Variants in RNF38 observed in about 807,000 individuals in gnomAD.
The protein encoded by RNF38 is ring finger protein 38, also known as E3 ubiquitin-protein ligase RNF38.
A neutral mutation model predicts 67.2 loss-of-function variants in RNF38; 15 were observed. That is an observed-to-expected ratio of 0.22 (90% CI 0.15 to 0.34). The LOEUF (loss-of-function observed/expected upper bound fraction) is 0.34, where lower values mean the gene tolerates loss of function less well. Ranked by LOEUF, RNF38 falls within the 10% of genes least tolerant of loss-of-function variation. RNF38 has a pLI of 1.00. For synonymous variants in RNF38, 220 were observed against 218.8 expected (o/e 1.01, Z -0.05); for missense variants, 524 against 639.9 (o/e 0.82, Z 1.95).
chr9:36,387,605 TCA>T (rs1249848839), intron 2 of RNF38, among the ~76,000 whole-genome samples: 1 of 152,204 alleles, frequency 6.6e-6, no homozygotes, highest in Non-Finnish European at 1.5e-5. Context: ...TTTGTCAAAC[TCA>T]CAAACCTATA....
rs1252611739 is a variant in RNF38, at chr9:36,456,974, A to G, written n.241+30334T>C. On this transcript the variant is annotated intron_variant and non_coding_transcript_variant, in intron 1 of 3. Coordinates refer to the RNF38 transcript ENST00000488058. ...GGTCACTGGGTTTTTTTGTAGCAGAAAAGAACTGCTGGTTTCTAGTCCAGC... is the reference window on the plus strand; with the variant it reads ...GGTCACTGGGTTTTTTTGTAGCAGAGAAGAACTGCTGGTTTCTAGTCCAGC... Among the ~76,000 whole-genome samples the G allele has an allele frequency of 3.9e-5, 6 of 152,116 alleles. No homozygotes were observed. In the East Asian group the frequency reaches 1.2e-3, roughly 29 times the overall value.
rs138089661 is a variant in RNF38, at chr9:36,454,156, C to T, written n.242-29473G>A. Reference sequence around the variant, plus strand: ...TTTTTTTTTTTGAGACAGAGTCTCACTCTGTCACCCAGGCTGAAGTGCAGT... The same window carrying T: ...TTTTTTTTTTTGAGACAGAGTCTCATTCTGTCACCCAGGCTGAAGTGCAGT... On this transcript the variant is annotated intron_variant and non_coding_transcript_variant, in intron 1 of 3. Transcript: ENST00000488058. Among the ~76,000 whole-genome samples, 433 of 151,596 alleles carry T rather than the reference C, an allele frequency of 2.9e-3. 3 individuals carry two copies. The highest frequency in any genetic ancestry group is 9.8e-3 in the African/African-American group (406 of 41,244).
chr9:36,392,515 G>C (rs982781404), intron 1 of RNF38, among the ~76,000 whole-genome samples: 1 of 152,122 alleles, frequency 6.6e-6, no homozygotes, highest in African/African-American at 2.4e-5. Flanking sequence ...GGTGAGAGAA[G>C]AGCTTGAGTA....
chr9:36,367,993 A>G (rs2133753822), intron 4 of RNF38, among the ~76,000 whole-genome samples: 1 of 152,270 alleles, frequency 6.6e-6, no homozygotes, highest in Non-Finnish European at 1.5e-5. Context: ...CTGGGATTAC[A>G]GGTGCCTGCC....
At chr9:36,341,672 G>C (rs900091368) in intron 11 of RNF38, among the ~76,000 whole-genome samples, 6 of 151,852 alleles carry the variant, frequency 4.0e-5, no homozygotes, top group African/African-American at 1.5e-4. Flanking sequence ...AAGAGTTCCA[G>C]ACCAGTCTGG....
At chr9:36,357,480 G>A (rs1243227223) in intron 5 of RNF38, among the ~76,000 whole-genome samples, 1 of 152,152 alleles carries the variant, frequency 6.6e-6, no homozygotes, top group Non-Finnish European at 1.5e-5. Flanking sequence ...AGAAAACATG[G>A]TTTGACCCTC....
intron 1 of RNF38, among the ~76,000 whole-genome samples, chr9:36,468,425 T>C (rs1839916761): frequency 6.6e-6 from 1 of 152,152 alleles, no homozygotes; most frequent in African/African-American, 2.4e-5. Flanking sequence ...GTTCTTTATC[T>C]GGGGCAAAGA....
chr9:36,401,747 A>C (rs1838042935), upstream of RNF38, among the ~76,000 whole-genome samples: 1 of 152,212 alleles, frequency 6.6e-6, no homozygotes, highest in Non-Finnish European at 1.5e-5. Context: ...AGTCAAGAGG[A>C]CATCATGGAA....
At chr9:36,378,538 T>C (rs1404306387) in intron 2 of RNF38, among the ~76,000 whole-genome samples, 1 of 152,168 alleles carries the variant, frequency 6.6e-6, no homozygotes, top group Non-Finnish European at 1.5e-5. Flanking sequence ...TTTTCATACA[T>C]ACCCCACATT....
At chr9:36,440,831 T>C (rs1347325217) in intron 1 of RNF38, among the ~76,000 whole-genome samples, 2 of 152,128 alleles carry the variant, frequency 1.3e-5, no homozygotes, top group African/African-American at 4.8e-5. Flanking sequence ...AAATGAAAAT[T>C]ATTCACACAA....
chr9:36,388,821 G>A (rs764030882), intron 2 of RNF38, among the ~76,000 whole-genome samples: 1 of 152,138 alleles, frequency 6.6e-6, no homozygotes, highest in Non-Finnish European at 1.5e-5. Flanking sequence ...AGGTACTTGA[G>A]GAGAAAGCCA....
At chr9:36,354,586 G>A (rs779913466) in intron 6 of RNF38, among the ~76,000 whole-genome samples, 34 of 152,092 alleles carry the variant, frequency 2.2e-4, no homozygotes, top group Non-Finnish European at 4.4e-4. Context: ...CATCTGTTTC[G>A]CAGACTTTAT....
chr9:36,389,594 A>G (rs940561894), intron 2 of RNF38, among the ~76,000 whole-genome samples: 1 of 152,218 alleles, frequency 6.6e-6, no homozygotes, highest in Non-Finnish European at 1.5e-5. Flanking sequence ...AAAGCAGAGA[A>G]CCTGGCACAA....
intron 2 of RNF38, among the ~76,000 whole-genome samples, chr9:36,379,164 T>C (rs545893471): frequency 6.6e-6 from 1 of 152,272 alleles, no homozygotes; most frequent in South Asian, 2.1e-4. Flanking sequence ...CCTCCCAAAG[T>C]GTTGGGATTA....
intron 5 of RNF38, 93 bp downstream of exon 5, chr9:36,357,682 T>A (rs1042199712): frequency 2.0e-6 from 2 of 983,318 alleles, no homozygotes; most frequent in African/African-American, 3.2e-5. Context: ...AGTTAGCCCC[T>A]CTAAAGAGGG....
chr9:36,456,194 G>C (rs1217187595), intron 1 of RNF38, among the ~76,000 whole-genome samples: 2 of 152,060 alleles, frequency 1.3e-5, no homozygotes, highest in African/African-American at 4.8e-5. Context: ...TAGTAGCTGA[G>C]ATTACAGGTG....
chr9:36,349,025 C>G (rs981990540), intron 9 of RNF38, among the ~76,000 whole-genome samples: 12 of 152,010 alleles, frequency 7.9e-5, no homozygotes, highest in African/African-American at 2.9e-4. Context: ...ATCTGCCATT[C>G]TGTGGGCCCT....
intron 1 of RNF38, among the ~76,000 whole-genome samples, chr9:36,433,274 A>G (rs1190804294): frequency 2.0e-5 from 3 of 152,060 alleles, no homozygotes; most frequent in Non-Finnish European, 2.9e-5. Context: ...AACTAAAAAC[A>G]GTATAACTGG....
intron 1 of RNF38, among the ~76,000 whole-genome samples, chr9:36,437,220 A>G (rs1031444075): frequency 6.6e-6 from 1 of 152,188 alleles, no homozygotes; most frequent in African/African-American, 2.4e-5. Flanking sequence ...CCCCTCCCCA[A>G]CCAACATCAG....
Sources: gnomAD v4.1 joint callset for allele counts (sites outside exome capture counted in the v4.1 genomes callset) on GRCh38, gnomAD v4.1.1 for gene constraint, MANE v1.5 for transcripts, NCBI Gene and HGNC (gene_info 2026-07-23, HGNC 2026-07-21) for gene names.